Variants in RABL2A observed in about 807,000 individuals in gnomAD.
The protein encoded by RABL2A is RAB, member of RAS oncogene family like 2A, also known as rab-like protein 2A.
A neutral mutation model predicts 30.7 loss-of-function variants in RABL2A; 17 were observed. The ratio of observed to expected loss-of-function variants is 0.55; its 90% CI spans 0.38 to 0.83. RABL2A has a LOEUF of 0.83. Ranked by LOEUF, RABL2A falls within the 40% of genes least tolerant of loss-of-function variation. The pLI, the probability that RABL2A is intolerant of heterozygous loss-of-function variation, is 0.00. For missense variants in RABL2A, 155 were observed against 272.6 expected, an observed-to-expected ratio of 0.57 and a Z score of 3.04; for synonymous variants, 64 against 101.8, an observed-to-expected ratio of 0.63 and a Z score of 2.24.
In RABL2A at chr2:113,628,557, C is replaced by T; in HGVS notation, c.-50C>T. 1.0e-6 allele frequency: 1 copy of T among 990,252 alleles called. No individual in the cohort carries two copies. Among genetic ancestry groups the T allele is most frequent in the Non-Finnish European group, 1.5e-6 (1 of 685,636 alleles). The allele number at this position is 990,252 out of a possible 1,614,324, so 61.3% of individuals were successfully genotyped here. A position where few individuals can be genotyped will look rare whatever the true frequency, so the allele number is the denominator to read the frequency against. On this transcript the variant is annotated 5_prime_UTR_variant, in exon 2 of 9. Coordinates refer to ENST00000683472, the MANE Select transcript of RABL2A (RefSeq NM_001306158.2). The stretch of plus-strand genomic sequence containing the variant: ...TCTTGTTGATCTTCCCAGACAGTGA[C>T]AATACCCTCCCCTCCCTTGGGCTGG...
In RABL2A at chr2:113,637,601, A is replaced by G. The variant is rs1349594226; in HGVS notation, c.297+2471A>G. On this transcript the variant is annotated intron_variant, in intron 5 of 8. Coordinates refer to ENST00000683472, the MANE Select transcript of RABL2A (RefSeq NM_001306158.2). ...TAATTCCCCCGACTGCCCGTTAAGA[A>G]CAAAATCCCTTGAAAAATTCCAAAA... 3.3e-6 allele frequency: 4 copies of G among 1,212,588 alleles called. No individual in the cohort carries two copies. The African/African-American group carries it at 6.4e-5, about 19-fold the overall frequency. 75.1% of individuals were successfully genotyped at this position (1,212,588 alleles called of 1,614,324 possible). A position where few individuals can be genotyped will look rare whatever the true frequency, so the allele number is the denominator to read the frequency against.
chr2:113,639,810 T>C (rs1684419588), intron 5 of RABL2A, among the ~76,000 whole-genome samples: 1 of 150,420 alleles, frequency 6.6e-6, no homozygotes, highest in East Asian at 1.9e-4. Flanking sequence ...GAGCTGAGAT[T>C]ATGCCACCAC....
rs578216591 is a variant in RABL2A, at chr2:113,637,581, C to T, written c.297+2451C>T. On this transcript the variant is annotated intron_variant, in intron 5 of 8. Coordinates refer to ENST00000683472, the MANE Select transcript of RABL2A (RefSeq NM_001306158.2). Reference sequence around the variant, plus strand: ...AAAGGAAGGAACTCGTCACCTAATTCCCCCGACTGCCCGTTAAGAACAAAA... The same window carrying T: ...AAAGGAAGGAACTCGTCACCTAATTTCCCCGACTGCCCGTTAAGAACAAAA... 2.2e-4 allele frequency: 265 copies of T among 1,209,616 alleles called. No homozygotes were observed. In the African/African-American group the frequency reaches 3.9e-3, roughly 18 times the overall value. 74.9% of individuals were successfully genotyped at this position (1,209,616 alleles called of 1,614,324 possible). A position where few individuals can be genotyped will look rare whatever the true frequency, so the allele number is the denominator to read the frequency against.
rs1413962419 is a variant in RABL2A, at chr2:113,641,463, G to A, written c.507+13G>A. 1.2e-6 allele frequency: 2 copies of A among 1,612,466 alleles called. No individual in the cohort carries two copies. Among genetic ancestry groups the A allele is most frequent in the East Asian group, 4.5e-5 (2 of 44,690 alleles). ...CAATGTTGTGAAGGTGTGGTTGACT[G>A]CAGAGGTAGCTAGCAAGGTCAGGGC... is the stretch of plus-strand genomic sequence containing the variant. On this transcript the variant is annotated intron_variant, in intron 7 of 8. Transcript: ENST00000683472.
intron 7 of RABL2A, 61 bp downstream of exon 7, chr2:113,641,511 TGAAGA>T: frequency 6.2e-7 from 1 of 1,611,714 alleles, no homozygotes; most frequent in Non-Finnish European, 8.5e-7. Context: ...AGGGAAGCTG[TGAAGA>T]GAAGGGCTTA....
chr2:113,630,092 A>C (rs953741536), intron 2 of RABL2A, among the ~76,000 whole-genome samples: 1 of 152,176 alleles, frequency 6.6e-6, no homozygotes, highest in African/African-American at 2.4e-5. Flanking sequence ...GTCTCTTTAT[A>C]TGCCTCATTT....
chr2:113,634,497 C>T, intron 4 of RABL2A: 1 of 534,852 alleles, frequency 1.9e-6, no homozygotes, highest in East Asian at 3.2e-5. Flanking sequence ...AGTCAGGGGG[C>T]TGTACCCACC....
At position 113,641,330 on chromosome 2, in the gene RABL2A, A is replaced by G. The variant is rs1324050901; in HGVS notation, c.410-23A>G. The G allele has an allele frequency of 5.0e-6, 8 of 1,613,158 alleles. No homozygotes were observed. In the South Asian group the frequency reaches 7.7e-5, roughly 16 times the overall value. On this transcript the variant is annotated intron_variant, in intron 6 of 8. Transcript: ENST00000683472. Reference sequence around the variant, plus strand: ...CCTTCTTCCCTTCCCTTGACAGACCAATGTCCTACCTTCTCTCTACAGCAG... The same window carrying G: ...CCTTCTTCCCTTCCCTTGACAGACCGATGTCCTACCTTCTCTCTACAGCAG...
intron 2 of RABL2A, 138 bp downstream of exon 2, chr2:113,628,851 G>A: frequency 1.3e-6 from 2 of 1,526,426 alleles, no homozygotes; most frequent in Non-Finnish European, 1.8e-6. Context: ...ATGTTCATGG[G>A]GGAACGAGGG....
intron 5 of RABL2A, among the ~76,000 whole-genome samples, chr2:113,639,851 G>A (rs1320289072): frequency 4.5e-5 from 4 of 88,158 alleles, no homozygotes; most frequent in Admixed American, 1.0e-4. Flanking sequence ...GTGAGACTCC[G>A]TCTAAAAAAA....
At chr2:113,627,661 C>T (rs1678598891) in intron 1 of RABL2A, among the ~76,000 whole-genome samples, 1 of 152,238 alleles carries the variant, frequency 6.6e-6, no homozygotes, top group Non-Finnish European at 1.5e-5. Flanking sequence ...AGCGGTGGCT[C>T]ACGCCTATAG....
Position 113,631,131 on chromosome 2 carries a change from G to C in RABL2A, c.108-1784G>C, listed in dbSNP as rs112074806. Among the ~76,000 whole-genome samples the C allele has an allele frequency of 1.4e-3, 212 of 152,160 alleles. 1 individual carries two copies. Among genetic ancestry groups the C allele is most frequent in the African/African-American group, 4.8e-3 (200 of 41,510 alleles). The stretch of plus-strand genomic sequence containing the variant: ...GTTGGTCTGGAATTCCTAACCTCAA[G>C]TGATCTGTCTGCCTTGGCCTCCCAA... On this transcript the variant is annotated intron_variant, in intron 2 of 8. Transcript: ENST00000683472.
At position 113,641,369 on chromosome 2, in the gene RABL2A, C is replaced by G; in HGVS notation, c.426C>G (p.Thr142=). 1 of 1,613,450 alleles carries G rather than the reference C, an allele frequency of 6.2e-7. No individual in the cohort carries two copies. The highest frequency in any genetic ancestry group is 1.7e-5 in the Admixed American group (1 of 59,956). ...ANKIDADINV[T]QKSFNFAKKF... ...TCTCTACAGCAGACATAAACGTGAC[C>G]CAAAAAAGCTTCAATTTTGCCAAGA... is the stretch of plus-strand genomic sequence containing the variant. Residue 142 remains threonine (T), a synonymous_variant, in exon 7 of 9, where the codon ACC becomes ACG. Transcript: ENST00000683472.
intron 5 of RABL2A, among the ~76,000 whole-genome samples, chr2:113,639,824 C>G (rs1411697376): frequency 2.0e-5 from 3 of 148,946 alleles, no homozygotes. Context: ...CCACCACACT[C>G]CAGCCTGGGT....
In RABL2A at chr2:113,641,439, A is replaced by C; in HGVS notation, c.496A>C (p.Asn166His). 6.2e-7 allele frequency: 1 copy of C among 1,611,584 alleles called. No homozygotes were observed. Among genetic ancestry groups the C allele is most frequent in the East Asian group, 2.2e-5 (1 of 44,612 alleles). Residue 166 changes from asparagine to histidine, a missense_variant, in exon 7 of 9, where the codon AAT becomes CAT. By Grantham distance (68) the Asn-to-His change is moderately conservative. Transcript: ENST00000683472. Reference protein sequence around the residue: ...LYFVSAADGTNVVKLFNDAIR... With the variant: ...LYFVSAADGTHVVKLFNDAIR... The stretch of plus-strand genomic sequence containing the variant: ...TTTCGTCTCGGCTGCTGATGGTACC[A>C]ATGTTGTGAAGGTGTGGTTGACTGC...
intron 5 of RABL2A, among the ~76,000 whole-genome samples, chr2:113,636,353 G>T (rs1682723582): frequency 1.3e-5 from 2 of 149,246 alleles, no homozygotes; most frequent in Admixed American, 1.4e-4. Flanking sequence ...CCAAGGCTGG[G>T]TTCCAGGCTG....
intron 3 of RABL2A, 42 bp from the exon 4 acceptor site, chr2:113,634,111 T>C: frequency 6.3e-7 from 1 of 1,580,256 alleles, no homozygotes; most frequent in African/African-American, 1.4e-5. Flanking sequence ...ACTCCTTCCT[T>C]ACCTCCCCTT....
chr2:113,634,277 A>C (rs761409437), intron 4 of RABL2A, 45 bp downstream of exon 4: 1 of 1,577,670 alleles, frequency 6.3e-7, no homozygotes. Flanking sequence ...AGGAAAGAGG[A>C]AATGGGAGAC....
In RABL2A at chr2:113,642,715, G is replaced by A. The variant is rs1357503450; in HGVS notation, c.*586G>A. On this transcript the variant is annotated 3_prime_UTR_variant, in exon 9 of 9. Transcript: ENST00000683472. ...GAGTGCAGTGGCGCAGTCTCGGCTCGCTGCAACCTCTGACTCCCTGGTTCA... is the reference window on the plus strand; with the variant it reads ...GAGTGCAGTGGCGCAGTCTCGGCTCACTGCAACCTCTGACTCCCTGGTTCA... The A allele has an allele frequency of 4.7e-5, 9 of 189,804 alleles. No homozygotes were observed. The highest frequency in any genetic ancestry group is 1.1e-4 in the Admixed American group (2 of 18,414). 11.8% of individuals were successfully genotyped at this position (189,804 alleles called of 1,614,324 possible).
Sources: gnomAD v4.1 joint callset for allele counts (sites outside exome capture counted in the v4.1 genomes callset) on GRCh38, gnomAD v4.1.1 for gene constraint, MANE v1.5 for transcripts, NCBI Gene and HGNC (gene_info 2026-07-23, HGNC 2026-07-21) for gene names.